Variants in BNIP3 observed in about 807,000 individuals in gnomAD.
BNIP3 encodes BCL2/adenovirus E1B 19 kDa protein-interacting protein 3.
BNIP3 carries 16 observed loss-of-function variants against 23.9 expected under a neutral mutation model. The observed-to-expected ratio is 0.67, with a 90% CI of 0.45 to 1.01. BNIP3 has a LOEUF of 1.01. Among genes scored for constraint, BNIP3 ranks in the 50% least tolerant of loss-of-function variants. The pLI is 0.00. For synonymous variants in BNIP3, 81 were observed against 89.3 expected (o/e 0.91, Z 0.53); for missense variants, 198 against 248.7 (o/e 0.80, Z 1.37).
intron 3 of BNIP3, 69 bp from the exon 4 acceptor site, chr10:131,971,039 A>C: frequency 7.0e-7 from 1 of 1,422,856 alleles, no homozygotes. Flanking sequence ...CCCAGCTCCC[A>C]CCCGAGCTTC....
At position 131,970,883 on chromosome 10, in the gene BNIP3, G is replaced by A; in HGVS notation, c.370C>T (p.Pro124Ser). Residue 124 changes from proline to serine, a missense_variant, in exon 4 of 6, where the codon CCG becomes TCG. Transcript: ENST00000368636. The surrounding 1 kb of genome is among the most constrained non-coding windows in gnomAD (Gnocchi z 4.1). ...SDWIWDWSSR[P>S]ENIPPKEFLF... ...ACTCACTTGGGGGGAATATTTTCCG[G>A]CCGACTTGACCAATCCCATATCCAA... 4 of 1,614,190 alleles carry A rather than the reference G, an allele frequency of 2.5e-6. No homozygotes were observed. Among genetic ancestry groups the A allele is most frequent in the Non-Finnish European group, 3.4e-6 (4 of 1,180,030 alleles).
chr10:131,968,647 C>T lies in BNIP3; in HGVS notation c.540-78G>A, dbSNP rs373726274. On this transcript the variant is annotated intron_variant, in intron 5 of 5. Transcript: ENST00000368636. Reference sequence around the variant, plus strand: ...GTGTTACAGCTGAAACAGGGTAGCTCACTGTGGTTAGAGCTTATGCAAGGG... The same window carrying T: ...GTGTTACAGCTGAAACAGGGTAGCTTACTGTGGTTAGAGCTTATGCAAGGG... The T allele has an allele frequency of 1.3e-5, 18 of 1,350,838 alleles. No homozygotes were observed. In the African/African-American group the frequency reaches 2.2e-4, roughly 16 times the overall value. 83.7% of individuals were successfully genotyped at this position (1,350,838 alleles called of 1,614,324 possible).
rs2037121840 is a variant in BNIP3 at position 131,981,838 on chromosome 10, C to T, written c.-32G>A. On this transcript the variant is annotated 5_prime_UTR_variant, in exon 1 of 6. Coordinates refer to ENST00000368636, the MANE Select transcript of BNIP3 (RefSeq NM_004052.4). ...AGAGGGCAACTGCGGCGATCGGAGT[C>T]CGCGCCGGGCTGCGGGATGTGCTTC... 7.0e-7 allele frequency: 1 copy of T among 1,429,714 alleles called. No homozygotes were observed. Among genetic ancestry groups the T allele is most frequent in the Non-Finnish European group, 9.1e-7 (1 of 1,098,090 alleles). 88.6% of individuals were successfully genotyped at this position (1,429,714 alleles called of 1,614,324 possible).
rs1294899536 is a variant in BNIP3, at chr10:131,976,003, C to T, written c.47-2060G>A. 1.3e-5 allele frequency among the ~76,000 whole-genome samples: 2 copies of T among 152,168 alleles called. No homozygotes were observed. The highest frequency in any genetic ancestry group is 2.9e-5 in the Non-Finnish European group (2 of 68,038). On this transcript the variant is annotated intron_variant, in intron 1 of 5. Transcript: ENST00000368636. The surrounding 1 kb of genome is among the most constrained non-coding windows in gnomAD (Gnocchi z 4.3). ...GTACAGACCACACCATTCCTGAAGC[C>T]GCTCATCTGACCAGACAGTATTGCC...
chr10:131,972,957 C>T (rs1035565006), intron 3 of BNIP3, 77 bp downstream of exon 3: 1 of 1,420,590 alleles, frequency 7.0e-7, no homozygotes, highest in Non-Finnish European at 9.9e-7. Flanking sequence ...CTGAGGTGCT[C>T]AATTACATTT....
chr10:131,977,218 G>A (rs1040145972), intron 1 of BNIP3, among the ~76,000 whole-genome samples: 5 of 152,184 alleles, frequency 3.3e-5, no homozygotes, highest in African/African-American at 4.8e-5. Flanking sequence ...GCAGTGAGCC[G>A]AGATCATGCC....
chr10:131,981,824 G>A lies in BNIP3; in HGVS notation c.-18C>T, dbSNP rs1455214815. 3 of 1,454,302 alleles carry A rather than the reference G, an allele frequency of 2.1e-6. No homozygotes were observed. Among genetic ancestry groups the A allele is most frequent in the Non-Finnish European group, 2.7e-6 (3 of 1,109,412 alleles). 90.1% of individuals were successfully genotyped at this position (1,454,302 alleles called of 1,614,324 possible). A position where few individuals can be genotyped will look rare whatever the true frequency, so the allele number is the denominator to read the frequency against. ...TGCGACATGGCGCCAGAGGGCAACTGCGGCGATCGGAGTCCGCGCCGGGCT... is the reference window on the plus strand; with the variant it reads ...TGCGACATGGCGCCAGAGGGCAACTACGGCGATCGGAGTCCGCGCCGGGCT... On this transcript the variant is annotated 5_prime_UTR_variant, in exon 1 of 6. Transcript: ENST00000368636.
intron 1 of BNIP3, chr10:131,980,495 C>T (rs1446412279): frequency 6.6e-6 from 1 of 151,378 alleles, no homozygotes; most frequent in Non-Finnish European, 1.5e-5. Flanking sequence ...GCCTATAATC[C>T]CAGCACTTTG....
chr10:131,977,790 A>G (rs2037091147), intron 1 of BNIP3, among the ~76,000 whole-genome samples: 1 of 152,168 alleles, frequency 6.6e-6, no homozygotes, highest in Non-Finnish European at 1.5e-5. Context: ...AACAAGGAAA[A>G]AAAACTCACT....
At chr10:131,975,290 C>T (rs2037071098) in intron 1 of BNIP3, among the ~76,000 whole-genome samples, 1 of 152,162 alleles carries the variant, frequency 6.6e-6, no homozygotes, top group Non-Finnish European at 1.5e-5. Context: ...TTTCTGGGCC[C>T]CAGATAATCT....
At chr10:131,974,197 C>G (rs2037063043) in intron 1 of BNIP3, among the ~76,000 whole-genome samples, 1 of 152,200 alleles carries the variant, frequency 6.6e-6, no homozygotes, top group Non-Finnish European at 1.5e-5. Context: ...CTCTTGCAGT[C>G]CCTTTATACC....
At position 131,968,323 on chromosome 10, in the gene BNIP3, T is replaced by C; in HGVS notation, c.*201A>G. ...GTAGACATTAATCAGTCTGACATGC[T>C]TATTGATCCCATAGGTGTAATTATA... On this transcript the variant is annotated 3_prime_UTR_variant, in exon 6 of 6. Coordinates refer to ENST00000368636, the MANE Select transcript of BNIP3 (RefSeq NM_004052.4). The C allele has an allele frequency of 2.1e-6, 1 of 481,750 alleles. No individual in the cohort carries two copies. Among genetic ancestry groups the C allele is most frequent in the Non-Finnish European group, 3.7e-6 (1 of 269,108 alleles). The allele number at this position is 481,750 out of a possible 1,614,324, so 29.8% of individuals were successfully genotyped here. A position where few individuals can be genotyped will look rare whatever the true frequency, so the allele number is the denominator to read the frequency against.
At chr10:131,971,866 G>A (rs2037036715) in intron 3 of BNIP3, among the ~76,000 whole-genome samples, 1 of 152,186 alleles carries the variant, frequency 6.6e-6, no homozygotes, top group Admixed American at 6.5e-5. Flanking sequence ...GAGAAAGCCT[G>A]GGTAACAGGG....
At chr10:131,977,952 C>T (rs907449492) in intron 1 of BNIP3, among the ~76,000 whole-genome samples, 1 of 152,138 alleles carries the variant, frequency 6.6e-6, no homozygotes, top group Non-Finnish European at 1.5e-5. Flanking sequence ...TATCTACTCA[C>T]GTGTTACAGT....
At chr10:131,981,331 A>G (rs2037116868) in intron 1 of BNIP3, 1 of 222,420 alleles carries the variant, frequency 4.5e-6, no homozygotes, top group Admixed American at 5.8e-5. Context: ...TAAAGCTCAT[A>G]ACAGGCCACT....
intron 1 of BNIP3, among the ~76,000 whole-genome samples, chr10:131,979,020 G>A (rs571501456): frequency 1.2e-4 from 18 of 152,268 alleles, no homozygotes; most frequent in African/African-American, 4.3e-4. Flanking sequence ...AACGGGGCTC[G>A]TTTCCCTCCA....
rs972600321 is a variant in BNIP3, at chr10:131,970,467, T to C, written c.539+171A>G. On this transcript the variant is annotated intron_variant, in intron 5 of 5. Transcript: ENST00000368636. The surrounding 1 kb of genome is among the most constrained non-coding windows in gnomAD (Gnocchi z 4.1). ...CGCCTGTGCTGGGGCCTTTGGGGGC[T>C]GCAGGCTGGTGGTTTCTGGACCTGA... The C allele has an allele frequency of 7.1e-6, 7 of 979,026 alleles. No individual in the cohort carries two copies. Among genetic ancestry groups the C allele is most frequent in the Admixed American group, 2.8e-5 (1 of 35,230 alleles). 60.6% of individuals were successfully genotyped at this position (979,026 alleles called of 1,614,324 possible).
chr10:131,979,480 C>T (rs1425959157), intron 1 of BNIP3, among the ~76,000 whole-genome samples: 1 of 152,092 alleles, frequency 6.6e-6, no homozygotes, highest in Non-Finnish European at 1.5e-5. Context: ...AACTGATGCC[C>T]TCCTGGTGAA....
At chr10:131,969,326 C>T (rs939583518) in intron 5 of BNIP3, 2 of 152,246 alleles carry the variant, frequency 1.3e-5, no homozygotes, top group African/African-American at 4.8e-5. Context: ...CATCCTGAAA[C>T]GAAGGGCTTA....
Sources: gnomAD v4.1 joint callset for allele counts (sites outside exome capture counted in the v4.1 genomes callset) on GRCh38, gnomAD v4.1.1 for gene constraint, Gnocchi (gnomAD v3.1) non-coding constraint, MANE v1.5 for transcripts, NCBI Gene and HGNC (gene_info 2026-07-23, HGNC 2026-07-21) for gene names.